The following TTC19 variants were observed in gnomAD, a reference collection of about 807,000 sequenced individuals.
The protein encoded by TTC19 is tetratricopeptide repeat domain 19, also known as tetratricopeptide repeat protein 19, mitochondrial.
A neutral mutation model predicts 49.5 loss-of-function variants in TTC19; 38 were observed. The ratio of observed to expected loss-of-function variants is 0.77; its 90% CI spans 0.59 to 1.01. The LOEUF is 1.01. Ranked by LOEUF, TTC19 falls within the 50% of genes least tolerant of loss-of-function variation. TTC19 has a pLI of 0.00. For synonymous variants in TTC19, 204 were observed against 185.2 expected, an observed-to-expected ratio of 1.10 and a Z score of -0.83; for missense variants, 475 against 477.7, an observed-to-expected ratio of 0.99 and a Z score of 0.05.
chr17:16,039,479 G>T, intron 2 of TTC19: 2 of 1,614,004 alleles, frequency 1.2e-6, no homozygotes, highest in African/African-American at 2.7e-5. Context: ...TCTCACCACT[G>T]GTCACAACTG....
chr17:16,038,899 T>C (rs1397988252), intron 2 of TTC19, among the ~76,000 whole-genome samples: 1 of 152,170 alleles, frequency 6.6e-6, no homozygotes, highest in Non-Finnish European at 1.5e-5. Flanking sequence ...GCCTCCTGAG[T>C]ACCTGGGATT....
intron 2 of TTC19, among the ~76,000 whole-genome samples, chr17:16,035,530 CTTTTTTTTT>C: frequency 8.5e-6 from 1 of 118,326 alleles, no homozygotes; most frequent in East Asian, 2.5e-4. Flanking sequence ...TTCTCTTGTT[CTTTTTTTTT>C]TTTTTTTTTT....
At chr17:16,012,663 C>T (rs549490239) in intron 7 of TTC19, among the ~76,000 whole-genome samples, 100 of 151,986 alleles carry the variant, frequency 6.6e-4, no homozygotes, top group Non-Finnish European at 1.3e-3. Flanking sequence ...CTCAGCCTCC[C>T]GAGTAGCTGG....
intron 4 of TTC19, 40 bp downstream of exon 4, chr17:16,002,871 A>ATTTATGAATTTAT: frequency 6.3e-7 from 1 of 1,578,420 alleles, no homozygotes; most frequent in Non-Finnish European, 8.7e-7. Context: ...TTTATGAAGG[A>ATTTATGAATTTAT]GTAGCTTCAA....
chr17:16,007,366 T>C (rs1042909202), intron 7 of TTC19, among the ~76,000 whole-genome samples: 1 of 151,224 alleles, frequency 6.6e-6, no homozygotes, highest in Admixed American at 6.6e-5. Context: ...AGAACAATTA[T>C]AACTATATAC....
chr17:16,001,220 T>C (rs557729870), intron 2 of TTC19, among the ~76,000 whole-genome samples: 67 of 152,280 alleles, frequency 4.4e-4, no homozygotes, highest in Admixed American at 6.5e-4. Context: ...ACTGCATTTA[T>C]GATAAAATAC....
chr17:16,034,720 T>G, intron 2 of TTC19: 1 of 1,478,444 alleles, frequency 6.8e-7, no homozygotes, highest in Non-Finnish European at 9.3e-7. Context: ...AAGACATTGA[T>G]ATTATTGCTC....
Position 15,999,961 on chromosome 17 carries a change from C to T in TTC19, c.113C>T (p.Pro38Leu). Residue 38 changes from proline (P) to leucine (L), a missense_variant, in exon 1 of 10, where the codon CCC becomes CTC. Physicochemically the swap from Pro to Leu is moderately conservative, Grantham distance 98 (BLOSUM62 -3). Coordinates refer to ENST00000261647, the MANE Select transcript of TTC19 (RefSeq NM_017775.4). Reference sequence around the variant, plus strand: ...CCGGGGCTGGCAGGAGGTCCGGGGCCCGAGGTGCAGGTGCCGCCATCCCGA... The same window carrying T: ...CCGGGGCTGGCAGGAGGTCCGGGGCTCGAGGTGCAGGTGCCGCCATCCCGA... ...LLPGLAGGPGPEVQVPPSRVA... is the reference protein window; with the variant it reads ...LLPGLAGGPGLEVQVPPSRVA... 3 of 1,318,156 alleles carry T rather than the reference C, an allele frequency of 2.3e-6. No individual in the cohort carries two copies. The highest frequency in any genetic ancestry group is 2.1e-5 in the South Asian group (1 of 47,100). 81.7% of individuals were successfully genotyped at this position (1,318,156 alleles called of 1,614,324 possible). A position where few individuals can be genotyped will look rare whatever the true frequency, so the allele number is the denominator to read the frequency against.
Position 16,000,247 on chromosome 17 carries a change from T to A in TTC19, c.312+2T>A. The A allele has an allele frequency of 6.3e-7, 1 of 1,594,430 alleles. No homozygotes were observed. Among genetic ancestry groups the A allele is most frequent in the Non-Finnish European group, 8.5e-7 (1 of 1,178,788 alleles). ...ATCCAGCTGCTGAAGCGAGCCAAGG[T>A]GAGGCGGCTCCGGGCCCTGCGCCCG... On this transcript the variant is annotated splice_donor_variant, in intron 2 of 9. Transcript: ENST00000261647. LOFTEE classifies it high-confidence loss of function.
intron 7 of TTC19, among the ~76,000 whole-genome samples, chr17:16,007,470 C>T (rs11078322): frequency 0.16 from 24,140 of 151,240 alleles, 4,287 homozygotes; most frequent in African/African-American, 0.45. Flanking sequence ...TGTTTTCTTA[C>T]TAAGTTGAGA....
At chr17:16,003,172 G>A (rs1053810206) in intron 4 of TTC19, among the ~76,000 whole-genome samples, 2 of 152,182 alleles carry the variant, frequency 1.3e-5, no homozygotes, top group Non-Finnish European at 2.9e-5. Context: ...AGAAGTTCAC[G>A]TTCTTTCTGC....
chr17:16,037,243 A>G (rs2056587393), intron 2 of TTC19, among the ~76,000 whole-genome samples: 1 of 152,196 alleles, frequency 6.6e-6, no homozygotes, highest in Non-Finnish European at 1.5e-5. Context: ...CAATTACAAT[A>G]GTAATATCAA....
intron 7 of TTC19, among the ~76,000 whole-genome samples, chr17:16,013,461 A>G (rs779977644): frequency 6.6e-6 from 1 of 152,182 alleles, no homozygotes; most frequent in African/African-American, 2.4e-5. Flanking sequence ...AATTGTATGC[A>G]TTCTCACTCA....
chr17:16,023,237 T>C (rs1209079185), intron 7 of TTC19: 1 of 152,250 alleles, frequency 6.6e-6, no homozygotes, highest in East Asian at 1.9e-4. Flanking sequence ...TATAGCTAAA[T>C]TGTACCTCAC....
intron 2 of TTC19, among the ~76,000 whole-genome samples, chr17:16,044,106 T>C (rs1051593511): frequency 1.6e-4 from 23 of 147,894 alleles, no homozygotes; most frequent in African/African-American, 5.5e-4. Flanking sequence ...GAGGCGGAGG[T>C]TGCGGTGAGC....
Position 16,028,778 on chromosome 17 carries a change from A to T in TTC19, c.*1256A>T. 1 of 441,290 alleles carries T rather than the reference A, an allele frequency of 2.3e-6. No homozygotes were observed. The highest frequency in any genetic ancestry group is 4.5e-6 in the Non-Finnish European group (1 of 223,532). The allele number at this position is 441,290 out of a possible 1,614,324, so 27.3% of individuals were successfully genotyped here. Reference sequence around the variant, plus strand: ...GAATCTTCATAATAAATGAGACTACACAACAATATTGTATGTATCCCAGTA... The same window carrying T: ...GAATCTTCATAATAAATGAGACTACTCAACAATATTGTATGTATCCCAGTA... On this transcript the variant is annotated 3_prime_UTR_variant, in exon 10 of 10. Transcript: ENST00000261647.
downstream of TTC19, chr17:16,032,081 A>T: frequency 1.9e-6 from 1 of 518,898 alleles, no homozygotes. Context: ...TAGTCCACTG[A>T]ATTGCCTGTA....
At chr17:16,014,740 T>C (rs951702439) in intron 7 of TTC19, among the ~76,000 whole-genome samples, 3 of 152,214 alleles carry the variant, frequency 2.0e-5, no homozygotes, top group Admixed American at 6.5e-5. Context: ...CTTTTGGTCC[T>C]AAACATTTCA....
intron 2 of TTC19, chr17:16,034,778 C>T: frequency 6.2e-7 from 1 of 1,612,778 alleles, no homozygotes; most frequent in Non-Finnish European, 8.5e-7. Flanking sequence ...TTGAAGAGGG[C>T]CTGTCTTCCC....
Sources: gnomAD v4.1 joint callset for allele counts (sites outside exome capture counted in the v4.1 genomes callset) on GRCh38, gnomAD v4.1.1 for gene constraint, MANE v1.5 for transcripts, NCBI Gene and HGNC (gene_info 2026-07-23, HGNC 2026-07-21) for gene names.